TNFAIP8: variants seen among roughly 807,000 people sequenced by gnomAD.
TNFAIP8 encodes tumor necrosis factor alpha-induced protein 8.
A neutral mutation model predicts 13.3 loss-of-function variants in TNFAIP8; 7 were observed. The ratio of observed to expected loss-of-function variants is 0.52; its 90% confidence interval spans 0.30 to 0.99. The LOEUF is 0.99. Among genes scored for constraint, TNFAIP8 ranks in the 50% least tolerant of loss-of-function variants. The pLI, the probability that TNFAIP8 is intolerant of heterozygous loss-of-function variation, is 0.07. For missense variants in TNFAIP8, 258 were observed against 236.9 expected (o/e 1.09, Z -0.58); for synonymous variants, 94 against 87.6 (o/e 1.07, Z -0.41).
intron 1 of TNFAIP8, among the ~76,000 whole-genome samples, chr5:119,315,375 C>T (rs890729068): frequency 6.6e-6 from 1 of 152,206 alleles, no homozygotes. Context: ...TTAGCCATCT[C>T]ACCTGGCCAT....
intron 1 of TNFAIP8, among the ~76,000 whole-genome samples, chr5:119,324,254 C>T (rs1750145339): frequency 8.3e-6 from 1 of 120,322 alleles, no homozygotes; most frequent in Admixed American, 1.0e-4. Flanking sequence ...CAGCCTGAGC[C>T]ACAAAGCAAG....
intron 1 of TNFAIP8, among the ~76,000 whole-genome samples, chr5:119,345,560 C>T (rs1196240564): frequency 6.6e-6 from 1 of 152,142 alleles, no homozygotes; most frequent in South Asian, 2.1e-4. Context: ...GACCTGCTAC[C>T]ATGTGGATGA....
At chr5:119,294,920 C>A (rs1288547928) in intron 1 of TNFAIP8, among the ~76,000 whole-genome samples, 1 of 151,636 alleles carries the variant, frequency 6.6e-6, no homozygotes, top group Non-Finnish European at 1.5e-5. Context: ...TGTTTGAGTT[C>A]ATTGTAGATT....
intron 1 of TNFAIP8, among the ~76,000 whole-genome samples, chr5:119,305,059 G>A: frequency 6.6e-6 from 1 of 152,060 alleles, no homozygotes; most frequent in East Asian, 1.9e-4. Context: ...ACTCCAAGCT[G>A]GAATAACAGA....
At chr5:119,345,170 T>C (rs1750857072) in intron 1 of TNFAIP8, among the ~76,000 whole-genome samples, 1 of 152,204 alleles carries the variant, frequency 6.6e-6, no homozygotes, top group African/African-American at 2.4e-5. Context: ...TTAAAAATAA[T>C]GTTTTTACGT....
intron 1 of TNFAIP8, among the ~76,000 whole-genome samples, chr5:119,345,433 C>T (rs1750865848): frequency 6.6e-6 from 1 of 151,944 alleles, no homozygotes; most frequent in Admixed American, 6.6e-5. Flanking sequence ...AAACCAAAAC[C>T]CAAAAGGTGG....
chr5:119,300,808 C>G (rs961863781), intron 1 of TNFAIP8, among the ~76,000 whole-genome samples: 3 of 152,088 alleles, frequency 2.0e-5, no homozygotes, highest in Admixed American at 1.3e-4. Context: ...AGCCTTTTCC[C>G]CACAAATTTC....
chr5:119,281,984 C>T (rs943693050), intron 1 of TNFAIP8, among the ~76,000 whole-genome samples: 8 of 152,180 alleles, frequency 5.3e-5, no homozygotes, highest in East Asian at 3.8e-4. Flanking sequence ...TTTCTTCTGA[C>T]GTAAACTATT....
chr5:119,287,680 A>C (rs1748847814), intron 1 of TNFAIP8, among the ~76,000 whole-genome samples: 1 of 151,980 alleles, frequency 6.6e-6, no homozygotes, highest in Admixed American at 6.6e-5. Context: ...TATCTCTAGA[A>C]CTCATCTTTG....
intron 1 of TNFAIP8, among the ~76,000 whole-genome samples, chr5:119,337,626 T>C (rs1445025420): frequency 2.0e-5 from 3 of 152,314 alleles, no homozygotes; most frequent in Admixed American, 1.3e-4. Context: ...CCAAGGCTAA[T>C]AGGACAACAA....
rs70982476 is a variant in TNFAIP8, at chr5:119,350,998, C to CTGTGTGTG, written c.2-41788_2-41781dup. On this transcript the variant is annotated intron_variant, in intron 1 of 1. Coordinates refer to the TNFAIP8 transcript ENST00000274456. ...TGTGTGTAGAGAGAGGGGTCTCACT[C>CTGTGTGTG]TGTGTGTGTGTGTGTGTGTGTGTGT... 6.5e-3 allele frequency among the ~76,000 whole-genome samples: 891 copies of CTGTGTGTG among 137,956 alleles called. 2 individuals carry two copies. The highest frequency in any genetic ancestry group is 1.0e-2 in the African/African-American group (364 of 36,416). The allele number at this position is 137,956 out of a possible 152,430, so 90.5% of individuals were successfully genotyped here. A position where few individuals can be genotyped will look rare whatever the true frequency, so the allele number is the denominator to read the frequency against.
chr5:119,270,745 A>T (rs1368504217), intron 1 of TNFAIP8, among the ~76,000 whole-genome samples: 1 of 152,228 alleles, frequency 6.6e-6, no homozygotes, highest in Non-Finnish European at 1.5e-5. Flanking sequence ...TCCCTTAGAT[A>T]TTGAATGTGT....
intron 1 of TNFAIP8, among the ~76,000 whole-genome samples, chr5:119,271,589 G>C (rs1228353869): frequency 6.6e-6 from 1 of 152,158 alleles, no homozygotes; most frequent in Admixed American, 6.5e-5. Flanking sequence ...AGGGCCACCT[G>C]CTTTTTCACA....
intron 1 of TNFAIP8, among the ~76,000 whole-genome samples, chr5:119,301,559 A>G (rs1000051197): frequency 1.5e-4 from 23 of 152,196 alleles, no homozygotes; most frequent in African/African-American, 5.1e-4. Flanking sequence ...TTCAGGCTGG[A>G]GACATTGGAG....
intron 1 of TNFAIP8, among the ~76,000 whole-genome samples, chr5:119,338,165 GACAC>G (rs367789572): frequency 3.0e-3 from 378 of 125,236 alleles, no homozygotes; most frequent in Middle Eastern, 8.1e-3. Context: ...CTGGAACTTT[GACAC>G]ACACACACAC....
intron 1 of TNFAIP8, among the ~76,000 whole-genome samples, chr5:119,285,725 G>A (rs1434676065): frequency 2.0e-5 from 3 of 152,182 alleles, no homozygotes; most frequent in African/African-American, 7.2e-5. Context: ...GATACAAAAA[G>A]CGTTCATTAC....
At chr5:119,370,885 A>C (rs1457684710) in intron 1 of TNFAIP8, among the ~76,000 whole-genome samples, 1 of 152,184 alleles carries the variant, frequency 6.6e-6, no homozygotes, top group Non-Finnish European at 1.5e-5. Flanking sequence ...TACATTTGGA[A>C]CCTGGAATCT....
intron 1 of TNFAIP8, among the ~76,000 whole-genome samples, chr5:119,327,395 T>C (rs1750255062): frequency 6.6e-6 from 1 of 152,120 alleles, no homozygotes; most frequent in South Asian, 2.1e-4. Flanking sequence ...AAAAGGAAAA[T>C]ACTCAAGACG....
At chr5:119,359,466 G>A (rs1049949651) in intron 1 of TNFAIP8, among the ~76,000 whole-genome samples, 3 of 151,962 alleles carry the variant, frequency 2.0e-5, no homozygotes, top group Admixed American at 1.3e-4. Context: ...TTTATTCCCC[G>A]CTGTATGTCT....
Sources: gnomAD v4.1 joint callset for allele counts (sites outside exome capture counted in the v4.1 genomes callset) on GRCh38, gnomAD v4.1.1 for gene constraint, MANE v1.5 for transcripts, NCBI Gene and HGNC (gene_info 2026-07-23, HGNC 2026-07-21) for gene names.